Variants in RIPOR2 observed in about 807,000 individuals in gnomAD.
RIPOR2 encodes the protein RHO family interacting cell polarization regulator 2.
RIPOR2 carries 39 observed loss-of-function variants against 114.5 expected under a neutral mutation model. The ratio of observed to expected loss-of-function variants is 0.34; its 90% CI spans 0.26 to 0.44. The LOEUF is 0.44. Among genes scored for constraint, RIPOR2 ranks in the 20% least tolerant of loss-of-function variants. RIPOR2 has a pLI of 1.00. For missense variants in RIPOR2, 1,007 were observed against 1,255.1 expected (o/e 0.80, Z 2.99); for synonymous variants, 445 against 484.4 (o/e 0.92, Z 1.07).
chr6:24,944,132 G>A (rs1423244162), intron 1 of RIPOR2, among the ~76,000 whole-genome samples: 3 of 152,144 alleles, frequency 2.0e-5, no homozygotes, highest in Non-Finnish European at 2.9e-5. Context: ...ATAGGGCTAC[G>A]TGCATGCCCA....
In RIPOR2 at chr6:24,988,669, TTG is replaced by T. The variant is rs10683468; in HGVS notation, c.76+53180_76+53181del. Among the ~76,000 whole-genome samples the T allele has an allele frequency of 7.8e-3, 1,170 of 150,574 alleles. 15 individuals are homozygous for T. The highest frequency in any genetic ancestry group is 0.025 in the African/African-American group (1,015 of 41,100). ...GCTTGACTTTTTTCCCAACATCTGG[TTG>T]TGTGTGTGTGTGTGTGTGTTTATCA... On this transcript the variant is annotated intron_variant, in intron 1 of 13. Transcript: ENST00000510784.
chr6:24,943,331 G>T (rs1772237859), intron 1 of RIPOR2, among the ~76,000 whole-genome samples: 1 of 152,058 alleles, frequency 6.6e-6, no homozygotes. Context: ...TCACACACTG[G>T]GGCCTGTTGT....
intron 1 of RIPOR2, among the ~76,000 whole-genome samples, chr6:25,004,650 A>G (rs1775470203): frequency 6.6e-6 from 1 of 152,120 alleles, no homozygotes; most frequent in Admixed American, 6.5e-5. Flanking sequence ...CTGCTGAGGG[A>G]CTATTTGTCC....
intron 1 of RIPOR2, among the ~76,000 whole-genome samples, chr6:25,019,235 T>C (rs1282370626): frequency 1.3e-5 from 2 of 152,222 alleles, no homozygotes; most frequent in Non-Finnish European, 2.9e-5. Context: ...TGCATATGTT[T>C]TTAACATAAA....
chr6:24,870,923 A>G, intron 4 of RIPOR2, 34 bp from the exon 5 acceptor site: 1 of 1,459,416 alleles, frequency 6.9e-7, no homozygotes, highest in Non-Finnish European at 9.4e-7. Flanking sequence ...GCATTTAAAC[A>G]TTATCCTTCA....
chr6:24,955,997 G>C (rs560263754), intron 1 of RIPOR2, among the ~76,000 whole-genome samples: 2 of 118,598 alleles, frequency 1.7e-5, no homozygotes, highest in Non-Finnish European at 3.6e-5. Context: ...GCGACAGAGT[G>C]AGACTCTGTC....
intron 1 of RIPOR2, among the ~76,000 whole-genome samples, chr6:24,984,061 A>G (rs180912348): frequency 6.6e-6 from 1 of 152,334 alleles, no homozygotes; most frequent in East Asian, 1.9e-4. Context: ...GGGTGACAAC[A>G]TGGAAGGAGC....
At chr6:24,954,475 A>ATTTT (rs1772938994) in intron 1 of RIPOR2, among the ~76,000 whole-genome samples, 1 of 15,962 alleles carries the variant, frequency 6.3e-5, no homozygotes, top group Non-Finnish European at 3.9e-4. Flanking sequence ...TTTTTTTTTG[A>ATTTT]GACAGGGTCT....
At chr6:24,922,196 C>T (rs1167032307) in intron 1 of RIPOR2, among the ~76,000 whole-genome samples, 1 of 152,072 alleles carries the variant, frequency 6.6e-6, no homozygotes, top group Non-Finnish European at 1.5e-5. Flanking sequence ...TCATAAGCTC[C>T]CAAGGGAGAC....
At chr6:24,978,377 CG>C (rs1554127281) in intron 1 of RIPOR2, among the ~76,000 whole-genome samples, 17 of 152,074 alleles carry the variant, frequency 1.1e-4, no homozygotes, top group Non-Finnish European at 2.4e-4. Context: ...CTCTCTGTGC[CG>C]CCATACTGCT....
intron 1 of RIPOR2, among the ~76,000 whole-genome samples, chr6:25,039,807 G>A (rs190650472): frequency 1.2e-4 from 18 of 152,278 alleles, no homozygotes; most frequent in Middle Eastern, 3.4e-3. Context: ...TTTAAGGTAC[G>A]CGCAAGTAAA....
At chr6:25,002,465 G>A (rs1775365024) in intron 1 of RIPOR2, among the ~76,000 whole-genome samples, 1 of 152,152 alleles carries the variant, frequency 6.6e-6, no homozygotes, top group Non-Finnish European at 1.5e-5. Context: ...AGGAAATAAG[G>A]TCCACTGTGA....
At chr6:24,823,489 T>A (rs999557867) in intron 19 of RIPOR2, among the ~76,000 whole-genome samples, 21 of 152,202 alleles carry the variant, frequency 1.4e-4, no homozygotes, top group African/African-American at 4.8e-4. Context: ...AGGTATTATT[T>A]CTTGTTTTTC....
intron 1 of RIPOR2, among the ~76,000 whole-genome samples, chr6:24,894,231 T>C (rs1767636510): frequency 6.6e-6 from 1 of 152,210 alleles, no homozygotes; most frequent in Non-Finnish European, 1.5e-5. Context: ...ACTGCACTTT[T>C]CCAAATGCTT....
intron 16 of RIPOR2, 132 bp from the exon 17 acceptor site, chr6:24,830,802 G>A (rs1172274964): frequency 9.0e-6 from 8 of 890,724 alleles, no homozygotes; most frequent in South Asian, 3.8e-5. Flanking sequence ...TGGAACTTCC[G>A]CCTCCTGGGT....
At chr6:24,839,837 T>G in intron 13 of RIPOR2, 1 of 1,259,588 alleles carries the variant, frequency 7.9e-7, no homozygotes, top group Non-Finnish European at 1.0e-6. Flanking sequence ...GCTAGCTATC[T>G]AAGGCATCTG....
chr6:24,910,948 T>C (rs937037575), intron 1 of RIPOR2: 3 of 985,302 alleles, frequency 3.0e-6, no homozygotes, highest in East Asian at 1.1e-4. Context: ...GCTGGCTCAC[T>C]TGGGTGAAGG....
At chr6:24,989,212 T>G (rs1310114225) in intron 1 of RIPOR2, among the ~76,000 whole-genome samples, 3 of 152,128 alleles carry the variant, frequency 2.0e-5, no homozygotes, top group Non-Finnish European at 4.4e-5. Flanking sequence ...TTCATGGATA[T>G]AATATCTTAA....
At chr6:25,025,095 AAAAG>A (rs752702149) in intron 1 of RIPOR2, among the ~76,000 whole-genome samples, 4 of 152,190 alleles carry the variant, frequency 2.6e-5, no homozygotes, top group Non-Finnish European at 5.9e-5. Flanking sequence ...AGTCAAGAAA[AAAAG>A]AGAGGACAGA....
Sources: allele counts gnomAD v4.1 joint callset (sites outside exome capture counted in the v4.1 genomes callset), GRCh38; gene constraint gnomAD v4.1.1; transcripts MANE v1.5; gene names NCBI Gene and HGNC (gene_info 2026-07-23, HGNC 2026-07-21).